The following ARHGAP26 variants were observed in gnomAD, a reference collection of about 807,000 sequenced individuals.
ARHGAP26 encodes rho GTPase-activating protein 26.
Under a neutral mutation model 104.8 loss-of-function variants are expected in ARHGAP26, and 38 were observed. That is an observed-to-expected ratio of 0.36 (90% confidence interval 0.28 to 0.48). The LOEUF (loss-of-function observed/expected upper bound fraction) is 0.48. Among genes scored for constraint, ARHGAP26 ranks in the 20% least tolerant of loss-of-function variants. ARHGAP26 has a pLI of 0.99. For missense variants in ARHGAP26, 704 were observed against 947.9 expected, an observed-to-expected ratio of 0.74 and a Z score of 3.38; for synonymous variants, 341 against 340.0, an observed-to-expected ratio of 1.00 and a Z score of -0.03.
chr5:142,948,464 G>C (rs1407475536), intron 11 of ARHGAP26, among the ~76,000 whole-genome samples: 1 of 151,356 alleles, frequency 6.6e-6, no homozygotes, highest in Non-Finnish European at 1.5e-5. Flanking sequence ...GGCTTTCTTT[G>C]AATTTATGAA....
chr5:143,195,721 T>G (rs2151284206), intron 20 of ARHGAP26, among the ~76,000 whole-genome samples: 1 of 152,262 alleles, frequency 6.6e-6, no homozygotes, highest in South Asian at 2.1e-4. Context: ...AAACCGTGGA[T>G]TGGTGCAACA....
At chr5:143,212,372 A>G (rs78328071) in intron 21 of ARHGAP26, among the ~76,000 whole-genome samples, 1 of 143,176 alleles carries the variant, frequency 7.0e-6, no homozygotes, top group Non-Finnish European at 1.5e-5. Context: ...AAAAAAAAAA[A>G]TGCCTCTTAT....
chr5:143,139,082 C>G (rs1430973792), intron 19 of ARHGAP26, among the ~76,000 whole-genome samples: 1 of 152,132 alleles, frequency 6.6e-6, no homozygotes, highest in Non-Finnish European at 1.5e-5. Flanking sequence ...ACCTGGAGTT[C>G]AAAGTTTCAT....
chr5:142,809,659 A>G (rs964485716), intron 1 of ARHGAP26, among the ~76,000 whole-genome samples: 6 of 152,338 alleles, frequency 3.9e-5, no homozygotes, highest in African/African-American at 1.4e-4. Flanking sequence ...TCAAGCAGAT[A>G]GAGAGAAAAT....
chr5:143,203,802 C>G (rs1300101284), intron 20 of ARHGAP26: 2 of 152,034 alleles, frequency 1.3e-5, no homozygotes, highest in Non-Finnish European at 2.9e-5. Flanking sequence ...AACCATCATT[C>G]TCAGCAAACT....
chr5:142,953,764 CT>C, intron 11 of ARHGAP26, among the ~76,000 whole-genome samples: 1 of 152,310 alleles, frequency 6.6e-6, no homozygotes, highest in South Asian at 2.1e-4. Context: ...ACCGTGTCCC[CT>C]GTTTTCTTTT....
In ARHGAP26 at chr5:142,875,099, C is replaced by T. The variant is rs1755893617; in HGVS notation, c.251-11C>T. The T allele has an allele frequency of 2.5e-6, 4 of 1,613,566 alleles. No individual in the cohort carries two copies. In the South Asian group the frequency reaches 3.3e-5, roughly 13 times the overall value. On this transcript the variant is annotated splice_polypyrimidine_tract_variant and intron_variant, in intron 2 of 22. Coordinates refer to ENST00000645722, the MANE Select transcript of ARHGAP26 (RefSeq NM_001135608.3). Reference sequence around the variant, plus strand: ...ACTCCTTCCACCTCATGGCCCCTTTCTGTTTTCCAGCAAGATCTTTGCAGG... The same window carrying T: ...ACTCCTTCCACCTCATGGCCCCTTTTTGTTTTCCAGCAAGATCTTTGCAGG...
At chr5:142,939,952 T>G (rs1412310674) in intron 11 of ARHGAP26, among the ~76,000 whole-genome samples, 2 of 152,262 alleles carry the variant, frequency 1.3e-5, no homozygotes, top group African/African-American at 2.4e-5. Context: ...GTTTTTAAAT[T>G]ACTTGATTCA....
At chr5:142,978,190 T>TATTC (rs1429188580) in intron 11 of ARHGAP26, among the ~76,000 whole-genome samples, 2 of 152,194 alleles carry the variant, frequency 1.3e-5, no homozygotes, top group African/African-American at 4.8e-5. Flanking sequence ...CAGAGGGGCT[T>TATTC]AGGGTTTGCC....
At chr5:143,079,498 A>C (rs564106503) in intron 17 of ARHGAP26, among the ~76,000 whole-genome samples, 6 of 152,350 alleles carry the variant, frequency 3.9e-5, no homozygotes, top group African/African-American at 1.4e-4. Context: ...GGTGCTGTGC[A>C]GCTGATTTGA....
intron 12 of ARHGAP26, among the ~76,000 whole-genome samples, chr5:143,021,439 A>G (rs748908370): frequency 6.6e-6 from 1 of 152,236 alleles, no homozygotes; most frequent in Non-Finnish European, 1.5e-5. Context: ...TATTCATAAT[A>G]GCTTCAAAAG....
At chr5:143,108,880 C>T (rs1249344016) in intron 17 of ARHGAP26, among the ~76,000 whole-genome samples, 1 of 152,178 alleles carries the variant, frequency 6.6e-6, no homozygotes, top group Non-Finnish European at 1.5e-5. Flanking sequence ...TGGGAAGTGA[C>T]AAGCTCTCAG....
intron 1 of ARHGAP26, among the ~76,000 whole-genome samples, chr5:142,836,693 G>C (rs1769648549): frequency 6.6e-6 from 1 of 152,190 alleles, no homozygotes; most frequent in African/African-American, 2.4e-5. Context: ...TAGTTCAAAG[G>C]AGTTTGAAAT....
At chr5:142,943,964 A>T (rs921007845) in intron 11 of ARHGAP26, among the ~76,000 whole-genome samples, 7 of 152,300 alleles carry the variant, frequency 4.6e-5, no homozygotes, top group Non-Finnish European at 8.8e-5. Flanking sequence ...ATGCACGTTA[A>T]TTTTGTTATT....
rs554503145 is a variant in ARHGAP26, at chr5:142,864,246, C to T, written c.155-9154C>T. 9.2e-5 allele frequency among the ~76,000 whole-genome samples: 14 copies of T among 152,322 alleles called. No individual in the cohort carries two copies. The East Asian group carries it at 1.7e-3, about 19-fold the overall frequency. On this transcript the variant is annotated intron_variant, in intron 1 of 22. Coordinates refer to ENST00000645722, the MANE Select transcript of ARHGAP26 (RefSeq NM_001135608.3). ...GTCTTAAATGTCGTCTTAACACACT[C>T]ATTCTTTTATCTGTTTCATCTGGGG... is the stretch of plus-strand genomic sequence containing the variant.
At chr5:143,207,131 G>A in intron 20 of ARHGAP26, 67 bp from the exon 21 acceptor site, 1 of 1,565,868 alleles carries the variant, frequency 6.4e-7, no homozygotes, top group African/African-American at 1.4e-5. Flanking sequence ...GGCCTCCCAT[G>A]ACCTCCTGTG....
intron 5 of ARHGAP26, among the ~76,000 whole-genome samples, chr5:142,888,401 T>C (rs1163339388): frequency 3.3e-5 from 5 of 152,230 alleles, no homozygotes; most frequent in African/African-American, 7.2e-5. Flanking sequence ...CCATTTCAAC[T>C]TTCTTGAATT....
At chr5:142,967,221 T>C (rs1221534230) in intron 11 of ARHGAP26, among the ~76,000 whole-genome samples, 1 of 152,176 alleles carries the variant, frequency 6.6e-6, no homozygotes, top group African/African-American at 2.4e-5. Flanking sequence ...TGACCACATA[T>C]GTATAAAAAC....
chr5:143,014,203 G>A (rs1185140809), intron 12 of ARHGAP26, 87 bp downstream of exon 12: 22 of 1,483,080 alleles, frequency 1.5e-5, no homozygotes, highest in East Asian at 2.3e-5. Context: ...ACCACCAGGC[G>A]GTGCTGTGGG....
Sources: allele counts gnomAD v4.1 joint callset (sites outside exome capture counted in the v4.1 genomes callset), GRCh38; gene constraint gnomAD v4.1.1; transcripts MANE v1.5; gene names NCBI Gene and HGNC (gene_info 2026-07-23, HGNC 2026-07-21).